Variants in MZT2B observed in about 807,000 individuals in gnomAD.
MZT2B encodes the protein mitotic spindle organizing protein 2B.
In MZT2B, 11 loss-of-function variants were observed where a neutral mutation model predicts 12.1. That is an observed-to-expected ratio of 0.91 (90% CI 0.57 to 1.50). The LOEUF is 1.50. Ranked by LOEUF, MZT2B falls within the 40% of genes most tolerant of loss-of-function variation. The pLI is 0.00. For missense variants in MZT2B, 209 were observed against 227.7 expected, an observed-to-expected ratio of 0.92 and a Z score of 0.53; for synonymous variants, 85 against 109.5, an observed-to-expected ratio of 0.78 and a Z score of 1.40.
downstream of MZT2B, chr2:130,193,953 C>T (rs369136801): frequency 1.5e-5 from 24 of 1,614,184 alleles, no homozygotes; most frequent in African/African-American, 2.7e-5. Flanking sequence ...TTGGCTGGCT[C>T]GAAGCAGGCA....
At chr2:130,194,971 C>CCCGCCA, downstream of MZT2B, 2 of 1,550,488 alleles carry the variant, frequency 1.3e-6, no homozygotes, top group Non-Finnish European at 1.8e-6. Context: ...AGCCACCGCG[C>CCCGCCA]CCGGCCAAGA....
the MZT2B span, among the ~76,000 whole-genome samples, chr2:130,196,682 A>T: frequency 6.6e-6 from 1 of 152,232 alleles, no homozygotes. Context: ...CCGTCACAGT[A>T]ATTCTCTGAA....
chr2:130,198,463 G>A, the MZT2B span: 1 of 1,268,630 alleles, frequency 7.9e-7, no homozygotes, highest in African/African-American at 1.6e-5. Context: ...GCGCCGCACA[G>A]GATTGGCCTG....
At chr2:130,193,744 A>G (rs7340454), downstream of MZT2B, 3,032 of 1,567,600 alleles carry the variant, frequency 1.9e-3, 32 homozygotes, top group African/African-American at 0.034. Flanking sequence ...TATTTTGTGC[A>G]TCTGCTGCTT....
At chr2:130,182,179 G>A, upstream of MZT2B, 1 of 1,263,298 alleles carries the variant, frequency 7.9e-7, no homozygotes. Context: ...CCTCCCGCCA[G>A]GGCAGCCCGG....
At chr2:130,196,150 G>A in the MZT2B span, 143 of 1,611,934 alleles carry the variant, frequency 8.9e-5, no homozygotes, top group East Asian at 1.6e-3. Flanking sequence ...GGCACCTACC[G>A]ACCACAGTGG....
chr2:130,184,079 G>A, intron 2 of MZT2B: 2 of 1,547,222 alleles, frequency 1.3e-6, no homozygotes, highest in Middle Eastern at 1.7e-4. Context: ...GACCATGCAG[G>A]CCATCGCTGC....
At position 130,190,589 on chromosome 2, in the gene MZT2B, G is replaced by C; in HGVS notation, c.440G>C (p.Gly147Ala). ...QPSATRLPKG[G>A]GPGKSPTRGS... ...AGCGCTACCAGGCTGCCCAAGGGGG[G>C]CGGGCCTGGGAAGAGCCCTACACGG... Residue 147 changes from glycine (G) to alanine (A), a missense_variant, in exon 3 of 3, where the codon GGC (glycine) becomes GCC (alanine). Transcript: ENST00000281871. 6.2e-7 allele frequency: 1 copy of C among 1,613,220 alleles called. No individual in the cohort carries two copies. The highest frequency in any genetic ancestry group is 1.1e-5 in the South Asian group (1 of 91,066).
chr2:130,201,555 T>C, the MZT2B span, among the ~76,000 whole-genome samples: 2 of 152,138 alleles, frequency 1.3e-5, no homozygotes, highest in Admixed American at 6.5e-5. Context: ...TACAGTCACA[T>C]TGGGGATTAG....
upstream of MZT2B, chr2:130,181,853 GCCCCCCCCTTC>G: frequency 6.5e-7 from 1 of 1,527,004 alleles, no homozygotes; most frequent in African/African-American, 1.4e-5. Context: ...GTTGATTAGT[GCCCCCCCCTTC>G]CCCCCGCCCG....
At chr2:130,182,018 A>G, upstream of MZT2B, 1 of 1,354,552 alleles carries the variant, frequency 7.4e-7, no homozygotes, top group Non-Finnish European at 9.5e-7. Context: ...AATGCAGTCT[A>G]TCAGGGAGGC....
intron 2 of MZT2B, among the ~76,000 whole-genome samples, chr2:130,188,801 G>A (rs1259867684): frequency 2.0e-5 from 3 of 152,118 alleles, no homozygotes; most frequent in African/African-American, 7.2e-5. Context: ...ACCTCTGGAA[G>A]AGCGGGGGTC....
chr2:130,201,960 G>A, the MZT2B span, among the ~76,000 whole-genome samples: 75 of 152,252 alleles, frequency 4.9e-4, no homozygotes, highest in East Asian at 0.013. Context: ...GTTGTTGACC[G>A]AAACATCATT....
Position 130,182,417 on chromosome 2 carries a change from G to A in MZT2B, c.135G>A (p.Gln45=), listed in dbSNP as rs951501884. ...AGATGGAGCTGTACGAGCTGGCGCA[G>A]GCGGCGGGCGGCGCTATCGACCCCG... ...TEEMELYELA[Q]AAGGAIDPDV... is the part of the protein sequence containing the mutation. Residue 45 remains glutamine, a synonymous_variant, in exon 1 of 3, where the codon CAG becomes CAA. Transcript: ENST00000281871. The A allele has an allele frequency of 3.1e-5, 48 of 1,563,326 alleles. No individual in the cohort carries two copies. Among genetic ancestry groups the A allele is most frequent in the Non-Finnish European group, 4.1e-5 (47 of 1,157,182 alleles).
At chr2:130,182,231 A>T, upstream of MZT2B, 1 of 1,229,724 alleles carries the variant, frequency 8.1e-7, no homozygotes, top group African/African-American at 1.6e-5. Flanking sequence ...TGGTGGGCGC[A>T]GCCGCTAGGG....
chr2:130,186,409 C>G (rs1038542547), intron 2 of MZT2B, among the ~76,000 whole-genome samples: 9 of 152,174 alleles, frequency 5.9e-5, no homozygotes, highest in African/African-American at 2.2e-4. Flanking sequence ...TGGTGAGAGT[C>G]TGGAGTCATT....
upstream of MZT2B, chr2:130,181,997 C>G: frequency 2.9e-6 from 4 of 1,376,032 alleles, no homozygotes; most frequent in Non-Finnish European, 3.8e-6. Context: ...GCCACCTAAG[C>G]GAGCACGACC....
the MZT2B span, chr2:130,202,540 C>T: frequency 3.7e-6 from 4 of 1,079,468 alleles, no homozygotes; most frequent in East Asian, 6.3e-5. Flanking sequence ...GGGACTCCCA[C>T]TCATGGACTG....
chr2:130,197,508 AG>A, the MZT2B span, among the ~76,000 whole-genome samples: 631 of 108,196 alleles, frequency 5.8e-3, 58 homozygotes, highest in African/African-American at 0.027. Flanking sequence ...AAAAAAAAAA[AG>A]AAAAGAAAAG....
Sources: gnomAD v4.1 joint callset for allele counts (sites outside exome capture counted in the v4.1 genomes callset) on GRCh38, gnomAD v4.1.1 for gene constraint, MANE v1.5 for transcripts, NCBI Gene and HGNC (gene_info 2026-07-23, HGNC 2026-07-21) for gene names.